Variants in TNR observed in about 807,000 individuals in gnomAD.
The protein encoded by TNR is tenascin-R.
Under a neutral mutation model 150.4 loss-of-function variants are expected in TNR, and 45 were observed. The ratio of observed to expected loss-of-function variants is 0.30; its 90% CI spans 0.24 to 0.38. The LOEUF (loss-of-function observed/expected upper bound fraction) is 0.38, where lower values mean the gene tolerates loss of function less well. Among genes scored for constraint, TNR ranks in the 10% least tolerant of loss-of-function variants. The pLI, the probability that TNR is intolerant of heterozygous loss-of-function variation, is 1.00. For synonymous variants in TNR, 687 were observed against 678.4 expected (o/e 1.01, Z -0.20); for missense variants, 1,544 against 1,759.1 (o/e 0.88, Z 2.19).
chr1:175,684,544 C>A (rs76474297), intron 1 of TNR, among the ~76,000 whole-genome samples: 2,560 of 152,306 alleles, frequency 0.017, 87 homozygotes, highest in African/African-American at 0.057. Flanking sequence ...AACAACGTTA[C>A]ACAGGTGGTG....
Position 175,707,048 on chromosome 1 carries a change from T to C in TNR, c.-165+36178A>G, listed in dbSNP as rs60080913. ...CATCCAGGGCCTACAGTCTTAGAAATTGGAGTGATGACTCCTAAATGTGAC... is the reference window on the plus strand; with the variant it reads ...CATCCAGGGCCTACAGTCTTAGAAACTGGAGTGATGACTCCTAAATGTGAC... On this transcript the variant is annotated intron_variant, in intron 1 of 22. Coordinates refer to ENST00000367674, the MANE Select transcript of TNR (RefSeq NM_003285.3). Among the ~76,000 whole-genome samples, 716 of 152,302 alleles carry C rather than the reference T, an allele frequency of 4.7e-3. 3 individuals are homozygous for C. The highest frequency in any genetic ancestry group is 0.016 in the African/African-American group (681 of 41,566).
At chr1:175,403,034 C>G (rs1653785369) in intron 4 of TNR, 106 bp downstream of exon 4, 1 of 1,004,768 alleles carries the variant, frequency 1.0e-6, no homozygotes, top group African/African-American at 1.6e-5. Flanking sequence ...ATTATTTTGC[C>G]TAAACTTCAC....
At chr1:175,374,265 C>T (rs933334938) in intron 9 of TNR, among the ~76,000 whole-genome samples, 1 of 152,172 alleles carries the variant, frequency 6.6e-6, no homozygotes, top group Admixed American at 6.5e-5. Context: ...CCTGAGGAGC[C>T]GACCTTCTCA....
chr1:175,680,685 A>G (rs1666007281), intron 1 of TNR, among the ~76,000 whole-genome samples: 1 of 152,092 alleles, frequency 6.6e-6, no homozygotes, highest in Admixed American at 6.5e-5. Flanking sequence ...GAGGTGCAAT[A>G]AGGGGTGGGG....
chr1:175,392,237 C>A (rs1653207905), intron 6 of TNR, among the ~76,000 whole-genome samples: 2 of 152,062 alleles, frequency 1.3e-5, no homozygotes, highest in Admixed American at 1.3e-4. Context: ...CTATGAGTGT[C>A]CTTAGAAATG....
At chr1:175,573,829 G>A (rs1449687516) in intron 1 of TNR, among the ~76,000 whole-genome samples, 1 of 152,204 alleles carries the variant, frequency 6.6e-6, no homozygotes, top group African/African-American at 2.4e-5. Context: ...AGGCTGTGGA[G>A]GCAGCAATGC....
intron 2 of TNR, among the ~76,000 whole-genome samples, chr1:175,450,428 C>T (rs1310723552): frequency 6.6e-6 from 1 of 152,212 alleles, no homozygotes; most frequent in Non-Finnish European, 1.5e-5. Flanking sequence ...TCAGGGACCA[C>T]CTCCTCCAGG....
intron 20 of TNR, among the ~76,000 whole-genome samples, chr1:175,331,424 C>G (rs1193795779): frequency 6.6e-6 from 1 of 151,906 alleles, no homozygotes; most frequent in African/African-American, 2.4e-5. Flanking sequence ...CCACCATGCC[C>G]AGCTCATTTT....
At chr1:175,629,429 G>T (rs550740593) in intron 1 of TNR, among the ~76,000 whole-genome samples, 3 of 152,334 alleles carry the variant, frequency 2.0e-5, no homozygotes, top group South Asian at 4.1e-4. Context: ...TGGAGGGCAG[G>T]CCTGCAGAGA....
At chr1:175,557,295 A>G (rs935362567) in intron 1 of TNR, among the ~76,000 whole-genome samples, 2 of 152,204 alleles carry the variant, frequency 1.3e-5, no homozygotes, top group Non-Finnish European at 2.9e-5. Flanking sequence ...TGACCCACGG[A>G]AGTGGTATGA....
At chr1:175,467,062 G>A (rs1014197117) in intron 2 of TNR, among the ~76,000 whole-genome samples, 2 of 152,020 alleles carry the variant, frequency 1.3e-5, no homozygotes, top group Non-Finnish European at 2.9e-5. Flanking sequence ...TATTAGATTC[G>A]ACCCATCAGG....
intron 1 of TNR, among the ~76,000 whole-genome samples, chr1:175,559,514 T>G (rs1661331344): frequency 6.6e-6 from 1 of 152,210 alleles, no homozygotes; most frequent in Non-Finnish European, 1.5e-5. Context: ...TAACCACTAC[T>G]CTGGATTTGG....
intron 2 of TNR, among the ~76,000 whole-genome samples, chr1:175,523,042 T>G (rs1260854814): frequency 6.6e-6 from 1 of 152,240 alleles, no homozygotes; most frequent in Non-Finnish European, 1.5e-5. Flanking sequence ...GGTCCCATCA[T>G]GCAGCGTGCT....
chr1:175,576,840 T>A (rs1662132332), intron 1 of TNR, among the ~76,000 whole-genome samples: 1 of 152,224 alleles, frequency 6.6e-6, no homozygotes, highest in East Asian at 1.9e-4. Flanking sequence ...CTCCTCTTCC[T>A]CTGTGCTCCC....
intron 2 of TNR, among the ~76,000 whole-genome samples, chr1:175,474,088 T>C (rs1235662915): frequency 6.6e-6 from 1 of 152,146 alleles, no homozygotes; most frequent in Non-Finnish European, 1.5e-5. Context: ...ATGTTATTTC[T>C]ATAATATGAG....
chr1:175,480,515 T>A (rs1657755690), intron 2 of TNR, among the ~76,000 whole-genome samples: 1 of 152,162 alleles, frequency 6.6e-6, no homozygotes, highest in Non-Finnish European at 1.5e-5. Context: ...CCCTGCTGTT[T>A]CCACAGTCTC....
chr1:175,561,882 T>G (rs893770272), intron 1 of TNR, among the ~76,000 whole-genome samples: 4 of 152,226 alleles, frequency 2.6e-5, no homozygotes, highest in Admixed American at 6.5e-5. Context: ...CCCCTGAGTC[T>G]GTTTTCAGTG....
intron 8 of TNR, among the ~76,000 whole-genome samples, chr1:175,385,718 A>G (rs1003790095): frequency 6.6e-6 from 1 of 152,216 alleles, no homozygotes; most frequent in African/African-American, 2.4e-5. Context: ...ATGGATGCTT[A>G]CATGTGTTCA....
chr1:175,658,586 G>T (rs941825159), intron 1 of TNR, among the ~76,000 whole-genome samples: 1 of 152,226 alleles, frequency 6.6e-6, no homozygotes, highest in Non-Finnish European at 1.5e-5. Flanking sequence ...CTATTCTCAA[G>T]TGGTCCCAAT....
Sources: gnomAD v4.1 joint callset for allele counts (sites outside exome capture counted in the v4.1 genomes callset) on GRCh38, gnomAD v4.1.1 for gene constraint, MANE v1.5 for transcripts, NCBI Gene and HGNC (gene_info 2026-07-23, HGNC 2026-07-21) for gene names.